The following KLHL4 variants were observed in gnomAD, a reference collection of about 807,000 sequenced individuals.
KLHL4 encodes the protein kelch like family member 4, also known as kelch-like protein 4.
In KLHL4, 17 loss-of-function variants were observed where a neutral mutation model predicts 45.8. The observed-to-expected ratio is 0.37, with a 90% CI of 0.25 to 0.56. The LOEUF (loss-of-function observed/expected upper bound fraction) is 0.56. Ranked by LOEUF, KLHL4 falls within the 20% of genes least tolerant of loss-of-function variation. The probability of loss-of-function intolerance (pLI) is 0.79; values close to 1 mark genes in which losing one functional copy is unlikely to be tolerated. For synonymous variants in KLHL4, 224 were observed against 189.9 expected (o/e 1.18, Z -1.47); for missense variants, 544 against 544.9 (o/e 1.00, Z 0.02).
chrX:87,586,888 A>G (rs1005364589), intron 1 of KLHL4, among the ~76,000 whole-genome samples: 2 of 110,390 alleles, frequency 1.8e-5, no homozygotes, highest in Non-Finnish European at 3.8e-5. Context: ...AGCCAGACTA[A>G]GAAAAATAGA....
chrX:87,539,528 T>G (rs1011682607), intron 1 of KLHL4, among the ~76,000 whole-genome samples: 2 of 110,490 alleles, frequency 1.8e-5, no homozygotes, highest in African/African-American at 6.6e-5. Flanking sequence ...AACAACTTTT[T>G]TTTATTACTT....
chrX:87,659,925 A>G lies in KLHL4; in HGVS notation c.1926-4839A>G, dbSNP rs777705813. ...GATGTATTCTTGGGCATTTCTAGGGATGCGTGCTTTCCGGATGTGTGTGTG... is the reference window on the plus strand; with the variant it reads ...GATGTATTCTTGGGCATTTCTAGGGGTGCGTGCTTTCCGGATGTGTGTGTG... On this transcript the variant is annotated intron_variant, in intron 9 of 10. Coordinates refer to ENST00000373119, the MANE Select transcript of KLHL4 (RefSeq NM_019117.5). 7.6e-5 allele frequency among the ~76,000 whole-genome samples: 8 copies of G among 105,547 alleles called. No individual in the cohort carries two copies. The Admixed American group carries it at 8.3e-4, about 11-fold the overall frequency. 91.7% of individuals were successfully genotyped at this position (105,547 alleles called of 115,157 possible). A position where few individuals can be genotyped will look rare whatever the true frequency, so the allele number is the denominator to read the frequency against.
intron 1 of KLHL4, among the ~76,000 whole-genome samples, chrX:87,583,767 CAAACCTCCTTCTGCTTG>C (rs935922720): frequency 4.5e-5 from 5 of 110,105 alleles, no homozygotes; most frequent in African/African-American, 1.7e-4. Flanking sequence ...GGCCATAGGA[CAAACCTCCTTCTGCTTG>C]AAAAAAGCAG....
At chrX:87,552,697 A>G (rs972884338) in intron 1 of KLHL4, among the ~76,000 whole-genome samples, 2 of 86,819 alleles carry the variant, frequency 2.3e-5, no homozygotes, top group Non-Finnish European at 4.2e-5. Flanking sequence ...GTTAAATTAT[A>G]TATATATATA....
rs201065015 is a variant in KLHL4 at position 87,532,015 on chromosome X, G to A, written c.422+13700G>A. On this transcript the variant is annotated intron_variant, in intron 1 of 10. Coordinates refer to ENST00000373119, the MANE Select transcript of KLHL4 (RefSeq NM_019117.5). Reference sequence around the variant, plus strand: ...TTCATATGGAACCAAAAAAGAGCCCGCATCGCCAAGTCAATCCTAAGCCAA... The same window carrying A: ...TTCATATGGAACCAAAAAAGAGCCCACATCGCCAAGTCAATCCTAAGCCAA... Among the ~76,000 whole-genome samples, 24 of 108,138 alleles carry A rather than the reference G, an allele frequency of 2.2e-4. No homozygotes were observed. In the East Asian group the frequency reaches 4.5e-3, roughly 20 times the overall value. The allele number at this position is 108,138 out of a possible 115,157, so 93.9% of individuals were successfully genotyped here. A position where few individuals can be genotyped will look rare whatever the true frequency, so the allele number is the denominator to read the frequency against.
chrX:87,532,371 G>C (rs758940137), intron 1 of KLHL4, among the ~76,000 whole-genome samples: 7 of 111,007 alleles, frequency 6.3e-5, no homozygotes, highest in Admixed American at 3.8e-4. Context: ...GTAGCATGAT[G>C]ACTCCAGCTT....
Position 87,575,245 on chromosome X carries a change from T to C in KLHL4, c.423-38632T>C, listed in dbSNP as rs1921061022. On this transcript the variant is annotated intron_variant, in intron 1 of 10. Transcript: ENST00000373119. ...TGAGTGGCGGACAAGTGAGTATTAC[T>C]TCCTAAACTCTGCCTCCTGTCAGAT... Among the ~76,000 whole-genome samples, 3 of 111,732 alleles carry C rather than the reference T, an allele frequency of 2.7e-5. No homozygotes were observed. The Admixed American group carries it at 2.8e-4, about 11-fold the overall frequency.
In KLHL4 at chrX:87,667,516, CT is replaced by C; in HGVS notation, c.*988del. On this transcript the variant is annotated 3_prime_UTR_variant, in exon 11 of 11. Transcript: ENST00000373119. ...TAAGCCTGGTCAATTCTATAGTTAT[CT>C]TTTTTGTACCAACACATGCTTTTCT... is the stretch of plus-strand genomic sequence containing the variant. 2.7e-6 allele frequency: 2 copies of C among 728,313 alleles called. No individual in the cohort carries two copies. The highest frequency in any genetic ancestry group is 3.2e-6 in the Non-Finnish European group (2 of 616,944). The allele number at this position is 728,313 out of a possible 1,213,427, so 60.0% of individuals were successfully genotyped here.
At chrX:87,608,672 G>A (rs1051582918) in intron 1 of KLHL4, among the ~76,000 whole-genome samples, 1 of 111,384 alleles carries the variant, frequency 9.0e-6, no homozygotes, top group Non-Finnish European at 1.9e-5. Context: ...GAAGCTGAAA[G>A]GGGAACATGC....
intron 3 of KLHL4, among the ~76,000 whole-genome samples, chrX:87,615,869 G>A (rs1030180972): frequency 1.8e-5 from 2 of 110,940 alleles, no homozygotes; most frequent in Non-Finnish European, 3.8e-5. Flanking sequence ...TTTTGGGAGT[G>A]GTGAAAATGT....
At chrX:87,650,346 C>T (rs1923771071) in intron 9 of KLHL4, among the ~76,000 whole-genome samples, 2 of 111,830 alleles carry the variant, frequency 1.8e-5, no homozygotes, top group Admixed American at 9.5e-5. Context: ...AATCTGACCA[C>T]CTCAGCCTCC....
At chrX:87,627,188 G>A in intron 6 of KLHL4, among the ~76,000 whole-genome samples, 1 of 111,322 alleles carries the variant, frequency 9.0e-6, no homozygotes, top group East Asian at 2.9e-4. Context: ...GAGTGAGTAT[G>A]GTGTGTGTTT....
At chrX:87,520,415 A>G (rs1930977573) in intron 1 of KLHL4, among the ~76,000 whole-genome samples, 1 of 112,662 alleles carries the variant, frequency 8.9e-6, no homozygotes, top group Admixed American at 9.4e-5. Flanking sequence ...CGCTCAGAGT[A>G]AAGTAAGGCT....
intron 1 of KLHL4, among the ~76,000 whole-genome samples, chrX:87,558,036 G>T (rs5969254): frequency 0.24 from 26,721 of 110,608 alleles, 2,716 homozygotes; most frequent in East Asian, 0.51. Flanking sequence ...CTAAGAAATT[G>T]CTTAAAGATC....
intron 1 of KLHL4, among the ~76,000 whole-genome samples, chrX:87,574,339 G>T (rs933665681): frequency 6.3e-5 from 7 of 111,113 alleles, no homozygotes; most frequent in African/African-American, 2.0e-4. Context: ...AGAATCCAAG[G>T]CTAACAAGAG....
intron 1 of KLHL4, among the ~76,000 whole-genome samples, chrX:87,561,623 A>G (rs73509876): frequency 1.9e-3 from 210 of 110,973 alleles, no homozygotes; most frequent in African/African-American, 6.2e-3. Context: ...TCTGGGCTCA[A>G]AGTCAGTGGA....
In KLHL4 at chrX:87,592,389, G is replaced by A. The variant is rs139161066; in HGVS notation, c.423-21488G>A. On this transcript the variant is annotated intron_variant, in intron 1 of 10. Transcript: ENST00000373119. ...TGAGTGTATACCTAGAAGTAGGATTGCTGGATAATATGATAATTCTATTTT... is the reference window on the plus strand; with the variant it reads ...TGAGTGTATACCTAGAAGTAGGATTACTGGATAATATGATAATTCTATTTT... Among the ~76,000 whole-genome samples the A allele has an allele frequency of 4.1e-3, 451 of 111,214 alleles. 2 individuals are homozygous for A. Among genetic ancestry groups the A allele is most frequent in the Middle Eastern group, 0.018 (4 of 217 alleles).
chrX:87,579,407 AAG>A lies in KLHL4; in HGVS notation c.423-34466_423-34465del, dbSNP rs1392906296. ...TACATTATGGAAATTCCACAAGGAAAAGAGAATGAGAAAGAGTGGAAAGTTTA... is the reference window on the plus strand; with the variant it reads ...TACATTATGGAAATTCCACAAGGAAAAGAATGAGAAAGAGTGGAAAGTTTA... On this transcript the variant is annotated intron_variant, in intron 1 of 10. Transcript: ENST00000373119. Among the ~76,000 whole-genome samples the A allele has an allele frequency of 3.6e-5, 4 of 111,899 alleles. No homozygotes were observed. In the South Asian group the frequency reaches 1.1e-3, roughly 31 times the overall value.
intron 1 of KLHL4, among the ~76,000 whole-genome samples, chrX:87,587,342 A>C (rs2147798211): frequency 9.0e-6 from 1 of 110,903 alleles, no homozygotes; most frequent in East Asian, 2.8e-4. Context: ...ACAGATCAAT[A>C]AAAAGGAAAG....
Sources: allele counts gnomAD v4.1 joint callset (sites outside exome capture counted in the v4.1 genomes callset), GRCh38; gene constraint gnomAD v4.1.1; transcripts MANE v1.5; gene names NCBI Gene and HGNC (gene_info 2026-07-23, HGNC 2026-07-21).